The following GCKR variants were observed in gnomAD, a reference collection of about 807,000 sequenced individuals.
GCKR encodes the protein glucokinase regulatory protein.
In GCKR, 73 loss-of-function variants were observed where a neutral mutation model predicts 82.9. That is an observed-to-expected ratio of 0.88 (90% CI 0.73 to 1.07). The LOEUF is 1.07. Ranked by LOEUF, GCKR falls within the 50% of genes least tolerant of loss-of-function variation. GCKR has a pLI of 0.00. For synonymous variants in GCKR, 294 were observed against 291.8 expected, an observed-to-expected ratio of 1.01 and a Z score of -0.08; for missense variants, 784 against 782.1, an observed-to-expected ratio of 1.00 and a Z score of -0.03.
intron 7 of GCKR, 128 bp from the exon 8 acceptor site, chr2:27,501,007 A>G: frequency 1.2e-6 from 1 of 800,434 alleles, no homozygotes; most frequent in East Asian, 2.4e-5. Context: ...TGGATCCAGT[A>G]GATTGTAACT....
At chr2:27,505,041 G>A (rs1168866110) in intron 9 of GCKR, among the ~76,000 whole-genome samples, 10 of 145,958 alleles carry the variant, frequency 6.9e-5, no homozygotes, top group South Asian at 6.5e-4. Flanking sequence ...CAGGAGAATC[G>A]CTTGAATTTG....
rs537012243 is a variant in GCKR, at chr2:27,505,928, C to T, written c.869+92C>T. The T allele has an allele frequency of 8.7e-6, 7 of 801,330 alleles. No individual in the cohort carries two copies. The East Asian group carries it at 1.7e-4, about 20-fold the overall frequency. The allele number at this position is 801,330 out of a possible 1,614,324, so 49.6% of individuals were successfully genotyped here. ...GGCAGGTCTAGATCCAAGGACTGGG[C>T]TGGTGGCAGTAAGACTGCAGCCCAC... On this transcript the variant is annotated intron_variant, in intron 10 of 18. Coordinates refer to ENST00000264717, the MANE Select transcript of GCKR (RefSeq NM_001486.4).
chr2:27,510,770 T>C (rs1234999476), intron 16 of GCKR, among the ~76,000 whole-genome samples: 1 of 152,168 alleles, frequency 6.6e-6, no homozygotes, highest in Non-Finnish European at 1.5e-5. Flanking sequence ...TTTTTGTCTT[T>C]CATGTACTGC....
chr2:27,507,942 A>T, intron 14 of GCKR, 35 bp from the exon 15 acceptor site: 1 of 1,455,636 alleles, frequency 6.9e-7, no homozygotes, highest in Non-Finnish European at 9.7e-7. Context: ...CTGCACAGCC[A>T]GCCTTTCGAC....
chr2:27,520,332 T>C (rs1490699732), intron 17 of GCKR, among the ~76,000 whole-genome samples: 1 of 152,066 alleles, frequency 6.6e-6, no homozygotes, highest in African/African-American at 2.4e-5. Flanking sequence ...CTAGGCCTGG[T>C]GGTTATGGCT....
chr2:27,517,537 C>G (rs11127044), intron 16 of GCKR, among the ~76,000 whole-genome samples: 57,675 of 151,970 alleles, frequency 0.38, 11,254 homozygotes, highest in South Asian at 0.45. Flanking sequence ...CCCCCTGCCC[C>G]CCATGATTCA....
In GCKR at chr2:27,523,294, T is replaced by A. The variant is rs1481697062; in HGVS notation, c.1733T>A (p.Leu578His). 1.2e-6 allele frequency: 2 copies of A among 1,612,922 alleles called. No homozygotes were observed. The highest frequency in any genetic ancestry group is 1.7e-6 in the Non-Finnish European group (2 of 1,179,876). Residue 578 changes from leucine (L) to histidine (H), a missense_variant, in exon 19 of 19, where the codon CTC (leucine) becomes CAC (histidine). Coordinates refer to ENST00000264717, the MANE Select transcript of GCKR (RefSeq NM_001486.4). Reference sequence around the variant, plus strand: ...GTGATACCCATCGCCTTGCTGAGCCTCCTATTCCGGTGCTCGATCACTGAG... The same window carrying A: ...GTGATACCCATCGCCTTGCTGAGCCACCTATTCCGGTGCTCGATCACTGAG... Reference protein sequence around the residue: ...EQVIPIALLSLLFRCSITEAQ... With the variant: ...EQVIPIALLSHLFRCSITEAQ...
At chr2:27,522,017 C>T (rs921687508) in intron 17 of GCKR, among the ~76,000 whole-genome samples, 10 of 152,150 alleles carry the variant, frequency 6.6e-5, no homozygotes, top group African/African-American at 2.4e-4. Context: ...ACCCACTGTG[C>T]CCAGCCTTGC....
chr2:27,501,366 C>T (rs893882812), intron 8 of GCKR, 137 bp downstream of exon 8: 41 of 717,782 alleles, frequency 5.7e-5, no homozygotes, highest in African/African-American at 3.7e-4. Flanking sequence ...ATATGGGGTG[C>T]CCCTAAGCTT....
At position 27,505,163 on chromosome 2, in the gene GCKR, G is replaced by A. The variant is rs1330034908; in HGVS notation, c.751-555G>A. Among the ~76,000 whole-genome samples, 10 of 128,420 alleles carry A rather than the reference G, an allele frequency of 7.8e-5. No homozygotes were observed. In the South Asian group the frequency reaches 7.9e-4, roughly 10 times the overall value. The allele number at this position is 128,420 out of a possible 152,430, so 84.2% of individuals were successfully genotyped here. A position where few individuals can be genotyped will look rare whatever the true frequency, so the allele number is the denominator to read the frequency against. On this transcript the variant is annotated intron_variant, in intron 9 of 18. Coordinates refer to ENST00000264717, the MANE Select transcript of GCKR (RefSeq NM_001486.4). The stretch of plus-strand genomic sequence containing the variant: ...AAAAAAAAAAGCACTTTGGGAGGCC[G>A]AGGTGGGCGAATCACGAGGTCAGGA...
chr2:27,515,648 A>T (rs575242375), intron 16 of GCKR, among the ~76,000 whole-genome samples: 78 of 151,834 alleles, frequency 5.1e-4, no homozygotes, highest in African/African-American at 1.8e-3. Context: ...TTCTTTTTTA[A>T]ACACTTAGAT....
At chr2:27,513,693 A>G (rs993796944) in intron 16 of GCKR, among the ~76,000 whole-genome samples, 4 of 152,116 alleles carry the variant, frequency 2.6e-5, no homozygotes, top group Non-Finnish European at 4.4e-5. Flanking sequence ...AATGCTCAAA[A>G]TGAGAGTTCA....
At chr2:27,511,670 G>T (rs1669884780) in intron 16 of GCKR, among the ~76,000 whole-genome samples, 1 of 151,138 alleles carries the variant, frequency 6.6e-6, no homozygotes, top group Admixed American at 6.6e-5. Context: ...CAACAAGAGT[G>T]AAACTCTGTC....
chr2:27,523,521 A>G lies in GCKR; in HGVS notation c.*82A>G, dbSNP rs748995295. The stretch of plus-strand genomic sequence containing the variant: ...GCCCAAGGGGACTTGTGCCAGCAGA[A>G]CATGTGGGAGGAAGAAGCCCCGTTT... On this transcript the variant is annotated 3_prime_UTR_variant, in exon 19 of 19. Coordinates refer to ENST00000264717, the MANE Select transcript of GCKR (RefSeq NM_001486.4). 1.1e-4 allele frequency: 161 copies of G among 1,406,828 alleles called. No homozygotes were observed. The highest frequency in any genetic ancestry group is 1.5e-4 in the Non-Finnish European group (155 of 1,007,130). 87.1% of individuals were successfully genotyped at this position (1,406,828 alleles called of 1,614,324 possible).
Position 27,518,920 on chromosome 2 carries a change from G to A in GCKR, c.1555G>A (p.Ala519Thr), listed in dbSNP as rs144127332. 1.7e-4 allele frequency: 268 copies of A among 1,613,378 alleles called. No homozygotes were observed. The highest frequency in any genetic ancestry group is 3.1e-5 in the Non-Finnish European group (36 of 1,179,808). ...RISNSKLFWR[A>T]LAMLQRFSGQ... The stretch of plus-strand genomic sequence containing the variant: ...TAGCAACTCCAAGCTCTTCTGGCGG[G>A]CGCTGGCCATGCTGCAGGTAGGGAT... Residue 519 changes from alanine (A) to threonine (T), a missense_variant, in exon 17 of 19, where the codon GCG becomes ACG. By Grantham distance (58) the Ala-to-Thr change is moderately conservative (BLOSUM62 0). Coordinates refer to ENST00000264717, the MANE Select transcript of GCKR (RefSeq NM_001486.4).
At chr2:27,507,180 C>G in intron 12 of GCKR, 55 bp from the exon 13 acceptor site, 3 of 1,205,892 alleles carry the variant, frequency 2.5e-6, no homozygotes, top group South Asian at 1.2e-5. Context: ...AAGCCTAGAA[C>G]CTTCCTTTCC....
chr2:27,498,726 G>A lies in GCKR; in HGVS notation c.357G>A (p.Val119=). 1 of 1,588,028 alleles carries A rather than the reference G, an allele frequency of 6.3e-7. No homozygotes were observed. Among genetic ancestry groups the A allele is most frequent in the South Asian group, 1.1e-5 (1 of 90,534 alleles). ...TACATCCTCTCCCTGCTTGACAGGT[G>A]TCCTTTAATCAGCTGATGAAAGGTC... ...TSGRMAFLMS[V]SFNQLMKGLG... is the part of the protein sequence containing the mutation. The change falls in exon 5 of 19, where the codon GTG becomes GTA. Residue 119 remains valine, a splice_region_variant and synonymous_variant. Transcript: ENST00000264717.
chr2:27,500,231 T>C (rs568010614), intron 7 of GCKR, among the ~76,000 whole-genome samples: 1 of 152,254 alleles, frequency 6.6e-6, no homozygotes, highest in African/African-American at 2.4e-5. Flanking sequence ...ACTGGAATTA[T>C]AGGCACATGC....
chr2:27,514,266 T>TATAC (rs1553342021), intron 16 of GCKR, among the ~76,000 whole-genome samples: 1 of 152,036 alleles, frequency 6.6e-6, no homozygotes, highest in African/African-American at 2.4e-5. Flanking sequence ...TATATATATA[T>TATAC]ACACACACAT....
Sources: gnomAD v4.1 joint callset for allele counts (sites outside exome capture counted in the v4.1 genomes callset) on GRCh38, gnomAD v4.1.1 for gene constraint, MANE v1.5 for transcripts, NCBI Gene and HGNC (gene_info 2026-07-23, HGNC 2026-07-21) for gene names.